Variants in SYT7 observed in about 807,000 individuals in gnomAD.
The protein encoded by SYT7 is synaptotagmin-7.
In SYT7, 29 loss-of-function variants were observed where a neutral mutation model predicts 75.1. The observed-to-expected ratio is 0.39, with a 90% CI of 0.29 to 0.53. The LOEUF (loss-of-function observed/expected upper bound fraction) is 0.53. SYT7 is among the 20% of genes least tolerant of loss of function. The probability of loss-of-function intolerance (pLI) is 0.77; values close to 1 mark genes in which losing one functional copy is unlikely to be tolerated. For missense variants in SYT7, 693 were observed against 953.2 expected, an observed-to-expected ratio of 0.73 and a Z score of 3.59; for synonymous variants, 376 against 401.7, an observed-to-expected ratio of 0.94 and a Z score of 0.76.
At chr11:61,554,222 A>G (rs2135332861) in intron 2 of SYT7, among the ~76,000 whole-genome samples, 1 of 151,970 alleles carries the variant, frequency 6.6e-6, no homozygotes, top group South Asian at 2.1e-4. Context: ...CCCTGACTGG[A>G]GGTGCATGGG....
intron 8 of SYT7, among the ~76,000 whole-genome samples, chr11:61,528,522 C>T (rs1001779705): frequency 2.0e-5 from 3 of 152,152 alleles, no homozygotes; most frequent in Non-Finnish European, 4.4e-5. Flanking sequence ...TTCCCTGGCG[C>T]GTGCTGGGGT....
At position 61,523,761 on chromosome 11, in the gene SYT7, C is replaced by A; in HGVS notation, c.1756+66G>T. 6.8e-7 allele frequency: 1 copy of A among 1,478,794 alleles called. No individual in the cohort carries two copies. The highest frequency in any genetic ancestry group is 1.2e-5 in the South Asian group (1 of 85,000). The allele number at this position is 1,478,794 out of a possible 1,614,324, so 91.6% of individuals were successfully genotyped here. On this transcript the variant is annotated intron_variant, in intron 11 of 12. Transcript: ENST00000539008. The surrounding 1 kb of genome is among the most constrained non-coding windows in gnomAD (Gnocchi z 5.0). ...CACTGCAGACCCTGCTCTCCACATCCGGTGTAAACCTTGTGTCACCAGCAC... is the reference window on the plus strand; with the variant it reads ...CACTGCAGACCCTGCTCTCCACATCAGGTGTAAACCTTGTGTCACCAGCAC...
intron 2 of SYT7, 76 bp downstream of exon 2, chr11:61,556,028 T>TTG (rs754283505): frequency 2.3e-4 from 299 of 1,275,870 alleles, no homozygotes; most frequent in East Asian, 2.7e-4. Context: ...AAGCCTGTAA[T>TTG]TGTGTGTGTG....
intron 7 of SYT7, among the ~76,000 whole-genome samples, chr11:61,534,585 C>A (rs757903540): frequency 1.3e-5 from 2 of 152,178 alleles, no homozygotes; most frequent in African/African-American, 4.8e-5. Flanking sequence ...AGCGATGGCA[C>A]GCAGGGATCC....
intron 3 of SYT7, among the ~76,000 whole-genome samples, chr11:61,550,326 G>A (rs1033769892): frequency 2.6e-5 from 4 of 152,198 alleles, no homozygotes; most frequent in African/African-American, 9.7e-5. Flanking sequence ...GGAGCGGGGT[G>A]GAGGGTGGGG....
At chr11:61,534,943 CAG>C (rs2062823707) in intron 7 of SYT7, among the ~76,000 whole-genome samples, 2 of 152,162 alleles carry the variant, frequency 1.3e-5, no homozygotes, top group Non-Finnish European at 2.9e-5. Flanking sequence ...AGGTTAGAAA[CAG>C]AGTGGAAGAG....
At chr11:61,572,090 G>A (rs983958823) in intron 1 of SYT7, among the ~76,000 whole-genome samples, 5 of 151,880 alleles carry the variant, frequency 3.3e-5, no homozygotes, top group African/African-American at 9.7e-5. Context: ...CCAACCAGGC[G>A]GGGGCTGGAG....
intron 1 of SYT7, among the ~76,000 whole-genome samples, chr11:61,558,785 C>T (rs2063568449): frequency 6.6e-6 from 1 of 152,186 alleles, no homozygotes. Context: ...TCTTTTCACC[C>T]AGGCTGGAGT....
intron 12 of SYT7, 79 bp downstream of exon 12, chr11:61,522,996 A>G (rs2062393364): frequency 6.8e-7 from 1 of 1,470,356 alleles, no homozygotes; most frequent in Admixed American, 1.7e-5. Flanking sequence ...GTGCCCGTCC[A>G]CTACCCCCGC....
At chr11:61,571,599 C>T (rs2063922460) in intron 1 of SYT7, among the ~76,000 whole-genome samples, 1 of 152,238 alleles carries the variant, frequency 6.6e-6, no homozygotes, top group Non-Finnish European at 1.5e-5. Flanking sequence ...CCCCCATCCA[C>T]ACTGCCTTCC....
chr11:61,583,256 C>T (rs1441272096), upstream of SYT7, among the ~76,000 whole-genome samples: 4 of 152,032 alleles, frequency 2.6e-5, no homozygotes, highest in African/African-American at 9.7e-5. Context: ...GGGCACCCCT[C>T]ACCCTCCCAC....
chr11:61,579,438 A>C (rs903825603), intron 1 of SYT7, among the ~76,000 whole-genome samples: 3 of 152,180 alleles, frequency 2.0e-5, no homozygotes, highest in African/African-American at 7.2e-5. Context: ...AGAGAAGGAG[A>C]CTGAATCTCT....
Position 61,519,126 on chromosome 11 carries a change from C to T in SYT7, c.1957-395G>A, listed in dbSNP as rs117886029. On this transcript the variant is annotated intron_variant, in intron 12 of 12. Coordinates refer to ENST00000539008, the MANE Select transcript of SYT7 (RefSeq NM_001365809.2). Reference sequence around the variant, plus strand: ...GCACTTGCTACATGTGAGTACTGAGCTAGGGACTTCATACACATAGATCAT... The same window carrying T: ...GCACTTGCTACATGTGAGTACTGAGTTAGGGACTTCATACACATAGATCAT... 1.8e-3 allele frequency among the ~76,000 whole-genome samples: 281 copies of T among 152,320 alleles called. 2 individuals are homozygous for T. The East Asian group carries it at 0.019, about 10-fold the overall frequency.
Position 61,513,891 on chromosome 11 carries a change from C to T in SYT7, c.*4736G>A, listed in dbSNP as rs777655094. Among the ~76,000 whole-genome samples, 2 of 152,146 alleles carry T rather than the reference C, an allele frequency of 1.3e-5. No homozygotes were observed. Among genetic ancestry groups the T allele is most frequent in the Non-Finnish European group, 1.5e-5 (1 of 68,036 alleles). ...GGGAAACAGATGGTCTGGGGAGCCA[C>T]GAGCTGGGGCATCGGCGTGCTCAAG... On this transcript the variant is annotated 3_prime_UTR_variant, in exon 13 of 13. Coordinates refer to ENST00000539008, the MANE Select transcript of SYT7 (RefSeq NM_001365809.2).
At chr11:61,550,851 C>T (rs1003144491) in intron 3 of SYT7, among the ~76,000 whole-genome samples, 2 of 152,150 alleles carry the variant, frequency 1.3e-5, no homozygotes, top group Non-Finnish European at 2.9e-5. Context: ...CACACAGCGG[C>T]CGGTGGGGTT....
At position 61,540,819 on chromosome 11, in the gene SYT7, ACT is replaced by A. The variant is rs894568739; in HGVS notation, c.941+1390_941+1391del. 3 of 985,194 alleles carry A rather than the reference ACT, an allele frequency of 3.0e-6. No homozygotes were observed. The African/African-American group carries it at 5.2e-5, about 17-fold the overall frequency. The allele number at this position is 985,194 out of a possible 1,614,324, so 61.0% of individuals were successfully genotyped here. On this transcript the variant is annotated intron_variant, in intron 6 of 12. Coordinates refer to ENST00000539008, the MANE Select transcript of SYT7 (RefSeq NM_001365809.2). ...AAGCCACGCAGACCCAATTCCCTCG[ACT>A]CTCCAAGATCCACGCCTGGATCACA...
chr11:61,533,040 T>C lies in SYT7; in HGVS notation c.1149A>G (p.Pro383=), dbSNP rs1283145454. Residue 383 remains proline, a synonymous_variant, in exon 8 of 13, where the codon CCA becomes CCG. Coordinates refer to ENST00000539008, the MANE Select transcript of SYT7 (RefSeq NM_001365809.2). Reference sequence around the variant, plus strand: ...TGACGAGGTCTGAGACGGAGGAACGTGGCTCGGTCCGGCGGTCGGACTCAT... The same window carrying C: ...TGACGAGGTCTGAGACGGAGGAACGCGGCTCGGTCCGGCGGTCGGACTCAT... ...PHDESDRRTE[P]RSSVSDLVNS... 1 of 1,613,680 alleles carries C rather than the reference T, an allele frequency of 6.2e-7. No homozygotes were observed. Among genetic ancestry groups the C allele is most frequent in the African/African-American group, 1.3e-5 (1 of 75,058 alleles).
intron 1 of SYT7, among the ~76,000 whole-genome samples, chr11:61,570,984 C>T (rs1467789345): frequency 5.9e-5 from 9 of 152,132 alleles, no homozygotes; most frequent in Non-Finnish European, 1.0e-4. Context: ...CCCAACAGCC[C>T]CATGACGGTG....
At chr11:61,540,817 C>T (rs777681889) in intron 6 of SYT7, 85 of 985,364 alleles carry the variant, frequency 8.6e-5, no homozygotes, top group African/African-American at 3.1e-4. Flanking sequence ...CCAATTCCCT[C>T]GACTCTCCAA....
Sources: allele counts gnomAD v4.1 joint callset (sites outside exome capture counted in the v4.1 genomes callset), GRCh38; gene constraint gnomAD v4.1.1; non-coding constraint Gnocchi (gnomAD v3.1); transcripts MANE v1.5; gene names NCBI Gene and HGNC (gene_info 2026-07-23, HGNC 2026-07-21).